Variants in RNF34 observed in about 807,000 individuals in gnomAD.
The protein encoded by RNF34 is ring finger protein 34, also known as E3 ubiquitin-protein ligase RNF34.
Under a neutral mutation model 37.9 loss-of-function variants are expected in RNF34, and 12 were observed. The ratio of observed to expected loss-of-function variants is 0.32; its 90% CI spans 0.20 to 0.51. The LOEUF is 0.51. Ranked by LOEUF, RNF34 falls within the 20% of genes least tolerant of loss-of-function variation. The pLI is 0.97. For missense variants in RNF34, 362 were observed against 472.7 expected, an observed-to-expected ratio of 0.77 and a Z score of 2.17; for synonymous variants, 155 against 177.2, an observed-to-expected ratio of 0.87 and a Z score of 1.00.
At chr12:121,410,154 C>CAA (rs59183074) in intron 1 of RNF34, among the ~76,000 whole-genome samples, 1 of 149,016 alleles carries the variant, frequency 6.7e-6, no homozygotes, top group African/African-American at 2.5e-5. Flanking sequence ...AACTCCGTCT[C>CAA]AAAAAAAAAG....
chr12:121,416,303 C>T lies in RNF34; in HGVS notation c.151C>T (p.Pro51Ser), dbSNP rs1329623938. ...ACCAAACCCTGAGTTTTCCACCTACCCACCAGCAGCTACGGAAGGGCCCAA... is the reference window on the plus strand; with the variant it reads ...ACCAAACCCTGAGTTTTCCACCTACTCACCAGCAGCTACGGAAGGGCCCAA... ...FTPNPEFSTY[P>S]PAATEGPNIV... Residue 51 changes from proline (P) to serine (S), a missense_variant, in exon 2 of 6, where the codon CCA (proline) becomes TCA (serine). Pro to Ser is a moderately conservative substitution (Grantham distance 74). Transcript: ENST00000361234. The T allele has an allele frequency of 6.2e-7, 1 of 1,614,152 alleles. No individual in the cohort carries two copies. The highest frequency in any genetic ancestry group is 8.5e-7 in the Non-Finnish European group (1 of 1,180,012).
At chr12:121,404,994 G>C (rs782426715) in intron 1 of RNF34, 4 of 152,184 alleles carry the variant, frequency 2.6e-5, no homozygotes, top group Non-Finnish European at 5.9e-5. Flanking sequence ...TCTTGCTTTT[G>C]TTGACTGTAA....
intron 3 of RNF34, among the ~76,000 whole-genome samples, chr12:121,419,204 T>C (rs1871864778): frequency 6.6e-6 from 1 of 152,378 alleles, no homozygotes; most frequent in African/African-American, 2.4e-5. Flanking sequence ...CAAATACTTA[T>C]TACTGTGTTA....
chr12:121,418,723 CTTTT>C (rs1214119821), intron 3 of RNF34: 1 of 148,764 alleles, frequency 6.7e-6, no homozygotes, highest in Non-Finnish European at 1.5e-5. Flanking sequence ...CATAGCAAGA[CTTTT>C]TTTTTTGTTT....
At chr12:121,420,809 G>A in intron 5 of RNF34, 31 bp downstream of exon 5, 7 of 1,551,712 alleles carry the variant, frequency 4.5e-6, no homozygotes, top group Non-Finnish European at 6.2e-6. Context: ...TTTCCCTGTA[G>A]TATTTTTCCT....
intron 3 of RNF34, 96 bp from the exon 4 acceptor site, chr12:121,420,146 T>C (rs2137140505): frequency 8.7e-7 from 1 of 1,147,516 alleles, no homozygotes; most frequent in Non-Finnish European, 1.3e-6. Context: ...TTATGCTGGC[T>C]TTCTGGTCAT....
In RNF34 at chr12:121,411,017, C is replaced by T. The variant is rs185506667; in HGVS notation, c.7-5142C>T. Among the ~76,000 whole-genome samples the T allele has an allele frequency of 3.9e-5, 6 of 152,274 alleles. No individual in the cohort carries two copies. In the East Asian group the frequency reaches 1.2e-3, roughly 29 times the overall value. On this transcript the variant is annotated intron_variant, in intron 1 of 5. Transcript: ENST00000361234. ...TGGCGTAAGCATAGCTCACCATAGT[C>T]TCAACCTCCCAGGCTCAAGAGATCC... is the stretch of plus-strand genomic sequence containing the variant.
At chr12:121,401,094 A>G (rs781849586) in intron 1 of RNF34, among the ~76,000 whole-genome samples, 1 of 152,078 alleles carries the variant, frequency 6.6e-6, no homozygotes, top group Non-Finnish European at 1.5e-5. Context: ...GGGGTGGGTA[A>G]TCTAGCAGGT....
At position 121,420,223 on chromosome 12, in the gene RNF34, A is replaced by T. The variant is rs1555283005; in HGVS notation, c.634-19A>T. ...ACAGATTGATTCCTGACCTAATCAG[A>T]TACGTTGTATAAGTGTAGGTACAAA... On this transcript the variant is annotated intron_variant, in intron 3 of 5. Transcript: ENST00000361234. 1.2e-6 allele frequency: 2 copies of T among 1,608,338 alleles called. No individual in the cohort carries two copies. The highest frequency in any genetic ancestry group is 1.7e-5 in the Admixed American group (1 of 59,912).
At chr12:121,410,394 G>A (rs1440621452) in intron 1 of RNF34, among the ~76,000 whole-genome samples, 2 of 151,904 alleles carry the variant, frequency 1.3e-5, no homozygotes, top group Non-Finnish European at 2.9e-5. Context: ...AAAATTAGCC[G>A]GGTGTGGTGG....
intron 5 of RNF34, among the ~76,000 whole-genome samples, chr12:121,421,848 C>T (rs528862322): frequency 2.9e-4 from 44 of 152,294 alleles, no homozygotes; most frequent in Middle Eastern, 3.4e-3. Flanking sequence ...ACAGCCCTCC[C>T]ATCATTAACT....
intron 5 of RNF34, 54 bp downstream of exon 5, chr12:121,420,832 A>T (rs1555283252): frequency 7.2e-7 from 1 of 1,389,674 alleles, no homozygotes; most frequent in Non-Finnish European, 1.0e-6. Context: ...GGCTTTTAAA[A>T]ACTGGGTTGT....
At chr12:121,402,820 T>A in intron 1 of RNF34, 1 of 1,555,760 alleles carries the variant, frequency 6.4e-7, no homozygotes, top group Non-Finnish European at 8.9e-7. Flanking sequence ...AACATTTGTA[T>A]CTATAGCACA....
At chr12:121,420,209 C>G in intron 3 of RNF34, 33 bp from the exon 4 acceptor site, 6 of 1,600,016 alleles carry the variant, frequency 3.7e-6, no homozygotes, top group Non-Finnish European at 5.1e-6. Context: ...CAGATTGATT[C>G]CTGACCTAAT....
rs1593677522 is a variant in RNF34 at position 121,420,758 on chromosome 12, A to G, written c.908A>G (p.Asn303Ser). The change falls in exon 5 of 6, where the codon AAT becomes AGT. Residue 303 changes from asparagine (N) to serine (S), a missense_variant. Coordinates refer to ENST00000361234, the MANE Select transcript of RNF34 (RefSeq NM_025126.4). ...VEKVNRLYKE[N>S]EENQKSYGER... is the part of the protein sequence containing the mutation. ...AAAGTAAACCGGTTATACAAAGAGAATGAAGAAAACCAAAAGTCCTGTAGG... is the reference window on the plus strand; with the variant it reads ...AAAGTAAACCGGTTATACAAAGAGAGTGAAGAAAACCAAAAGTCCTGTAGG... The G allele has an allele frequency of 6.2e-7, 1 of 1,612,782 alleles. No individual in the cohort carries two copies. Among genetic ancestry groups the G allele is most frequent in the Non-Finnish European group, 8.5e-7 (1 of 1,178,730 alleles).
chr12:121,400,200 G>A lies in RNF34; in HGVS notation c.-13G>A. ...TTCCTGGTAGAGCCGGCCGAGCTGAGGCGGTCGCGGCCATGAAGGTGAGGG... is the reference window on the plus strand; with the variant it reads ...TTCCTGGTAGAGCCGGCCGAGCTGAAGCGGTCGCGGCCATGAAGGTGAGGG... On this transcript the variant is annotated 5_prime_UTR_variant, in exon 1 of 6. Transcript: ENST00000361234. The A allele has an allele frequency of 6.2e-7, 1 of 1,609,064 alleles. No homozygotes were observed. Among genetic ancestry groups the A allele is most frequent in the South Asian group, 1.1e-5 (1 of 90,626 alleles).
chr12:121,417,017 C>G lies in RNF34; in HGVS notation c.226-487C>G, dbSNP rs1555282280. Among the ~76,000 whole-genome samples, 1 of 152,200 alleles carries G rather than the reference C, an allele frequency of 6.6e-6. No individual in the cohort carries two copies. The highest frequency in any genetic ancestry group is 2.4e-5 in the African/African-American group (1 of 41,446). On this transcript the variant is annotated intron_variant, in intron 2 of 5. Coordinates refer to ENST00000361234, the MANE Select transcript of RNF34 (RefSeq NM_025126.4). The surrounding 1 kb of genome is among the most constrained non-coding windows in gnomAD (Gnocchi z 5.0). ...TGGCAAGGCTTTGATTGTGATTAGG[C>G]TGTGTAGTTTACAGATTACTGTATT...
Position 121,400,217 on chromosome 12 carries a change from AG to A in RNF34, c.6+1del. On this transcript the variant is annotated frameshift_variant and splice_region_variant, in exon 1 of 6. Transcript: ENST00000361234. LOFTEE classifies it high-confidence loss of function. M[K>X]AGATSMWASC... is the part of the protein sequence containing the mutation. ...CGAGCTGAGGCGGTCGCGGCCATGA[AG>A]GTGAGGGGCCGGTGGAGCCGGACAG... The A allele has an allele frequency of 6.2e-7, 1 of 1,609,768 alleles. No homozygotes were observed. Among genetic ancestry groups the A allele is most frequent in the Non-Finnish European group, 8.5e-7 (1 of 1,179,014 alleles).
intron 1 of RNF34, among the ~76,000 whole-genome samples, chr12:121,412,580 T>C (rs980586016): frequency 6.6e-6 from 1 of 152,020 alleles, no homozygotes; most frequent in Non-Finnish European, 1.5e-5. Context: ...GGTTTTGCCA[T>C]GTTGGTCAGT....
Sources: gnomAD v4.1 joint callset for allele counts (sites outside exome capture counted in the v4.1 genomes callset) on GRCh38, gnomAD v4.1.1 for gene constraint, Gnocchi (gnomAD v3.1) non-coding constraint, MANE v1.5 for transcripts, NCBI Gene and HGNC (gene_info 2026-07-23, HGNC 2026-07-21) for gene names.